Variants in MYO1H observed in about 807,000 individuals in gnomAD.
MYO1H encodes the protein myosin IH, also known as unconventional myosin-Ih.
In MYO1H, 118 loss-of-function variants were observed where a neutral mutation model predicts 149.3. The observed-to-expected ratio is 0.79, with a 90% CI of 0.68 to 0.92. MYO1H has a LOEUF of 0.92. MYO1H is among the 40% of genes least tolerant of loss of function. MYO1H has a pLI of 0.00. For missense variants in MYO1H, 1,212 were observed against 1,280.7 expected, an observed-to-expected ratio of 0.95 and a Z score of 0.82; for synonymous variants, 447 against 465.2, an observed-to-expected ratio of 0.96 and a Z score of 0.50.
the MYO1H span, among the ~76,000 whole-genome samples, chr12:109,310,983 A>C: frequency 2.0e-5 from 3 of 152,212 alleles, no homozygotes; most frequent in African/African-American, 7.2e-5. Context: ...ATGACATATA[A>C]TTAATTCACC....
At chr12:109,390,197 C>T (rs771311993) in intron 2 of MYO1H, among the ~76,000 whole-genome samples, 3 of 150,584 alleles carry the variant, frequency 2.0e-5, no homozygotes, top group Admixed American at 6.6e-5. Flanking sequence ...ACGATTTTAG[C>T]GTAATCTTTT....
rs1047992300 is a variant in MYO1H at position 109,407,074 on chromosome 12, C to T, written c.1035+214C>T. Among the ~76,000 whole-genome samples the T allele has an allele frequency of 4.6e-5, 7 of 152,158 alleles. 1 individual carries two copies. Among genetic ancestry groups the T allele is most frequent in the African/African-American group, 1.7e-4 (7 of 41,442 alleles). Reference sequence around the variant, plus strand: ...GCTAGCAATCCACACCTCATACTGTCTATGTCTTCCCTCCACAGGAGTCTT... The same window carrying T: ...GCTAGCAATCCACACCTCATACTGTTTATGTCTTCCCTCCACAGGAGTCTT... On this transcript the variant is annotated intron_variant, in intron 9 of 31. Transcript: ENST00000310903.
intron 7 of MYO1H, among the ~76,000 whole-genome samples, chr12:109,405,452 A>C (rs1269208165): frequency 6.6e-6 from 1 of 152,122 alleles, no homozygotes; most frequent in Non-Finnish European, 1.5e-5. Context: ...CTGGGACTAC[A>C]GGCACATGCC....
At chr12:109,417,955 A>G (rs997700113) in intron 15 of MYO1H, among the ~76,000 whole-genome samples, 4 of 151,592 alleles carry the variant, frequency 2.6e-5, no homozygotes, top group Non-Finnish European at 4.4e-5. Context: ...AGCTGGGACT[A>G]CAGGCGCCCG....
At chr12:109,358,235 A>G (rs967146523) in intron 1 of MYO1H, among the ~76,000 whole-genome samples, 1 of 152,036 alleles carries the variant, frequency 6.6e-6, no homozygotes, top group African/African-American at 2.4e-5. Context: ...GAAAAATAAC[A>G]CAGTGACACA....
intron 1 of MYO1H, among the ~76,000 whole-genome samples, chr12:109,386,304 C>G (rs1227696454): frequency 2.6e-5 from 4 of 152,200 alleles, no homozygotes; most frequent in Non-Finnish European, 4.4e-5. Context: ...TAAAGTTGAG[C>G]ATGAGTTGAA....
chr12:109,329,870 A>G, the MYO1H span, among the ~76,000 whole-genome samples: 13 of 152,292 alleles, frequency 8.5e-5, no homozygotes, highest in Middle Eastern at 3.4e-3. Flanking sequence ...CTAGAATTCC[A>G]CGTTGTGATC....
the MYO1H span, among the ~76,000 whole-genome samples, chr12:109,315,909 G>A: frequency 6.6e-6 from 1 of 152,180 alleles, no homozygotes; most frequent in Non-Finnish European, 1.5e-5. Context: ...TCTGCCCAAC[G>A]AGGTGCTAAG....
At chr12:109,424,785 G>C in exon 17 of MYO1H, 2 of 1,613,966 alleles carry the variant, frequency 1.2e-6, no homozygotes, top group Non-Finnish European at 1.7e-6. Context: ...CTGAGGGAAT[G>C]CTTCCTGCTG....
chr12:109,398,257 C>T (rs980106034), intron 5 of MYO1H, among the ~76,000 whole-genome samples: 6 of 152,106 alleles, frequency 3.9e-5, no homozygotes, highest in South Asian at 2.1e-4. Context: ...AGCAAGTAAA[C>T]GGACTGAACA....
chr12:109,320,350 C>G, the MYO1H span, among the ~76,000 whole-genome samples: 3 of 149,568 alleles, frequency 2.0e-5, no homozygotes, highest in African/African-American at 7.4e-5. Flanking sequence ...TGGCTCACAC[C>G]TGTAATCCCA....
the MYO1H span, among the ~76,000 whole-genome samples, chr12:109,312,877 A>G: frequency 6.6e-6 from 1 of 150,564 alleles, no homozygotes; most frequent in South Asian, 2.1e-4. Context: ...AGTACCCTGG[A>G]GATTTATAGG....
At chr12:109,346,378 TAAAAAAC>T (rs977874154), upstream of MYO1H, among the ~76,000 whole-genome samples, 5 of 152,218 alleles carry the variant, frequency 3.3e-5, no homozygotes, top group African/African-American at 1.2e-4. Context: ...CAACTGTACT[TAAAAAAC>T]AATGAACTGT....
chr12:109,364,228 C>A lies in MYO1H; in HGVS notation c.12+16256C>A, dbSNP rs182247999. On this transcript the variant is annotated intron_variant, in intron 1 of 31. Coordinates refer to ENST00000310903, the Ensembl canonical transcript of MYO1H. The stretch of plus-strand genomic sequence containing the variant: ...TGGGAACAGCATGGGCAATCCAGTA[C>A]CTGTACCTCCTGCCTCATGTAACTG... Among the ~76,000 whole-genome samples, 273 of 149,842 alleles carry A rather than the reference C, an allele frequency of 1.8e-3. 1 individual carries two copies. The highest frequency in any genetic ancestry group is 3.2e-3 in the Non-Finnish European group (213 of 67,544).
chr12:109,431,963 G>A (rs575810163), intron 19 of MYO1H, among the ~76,000 whole-genome samples: 3 of 144,666 alleles, frequency 2.1e-5, no homozygotes, highest in Admixed American at 1.4e-4. Flanking sequence ...GACTACAGCC[G>A]CACACTGCCA....
At chr12:109,335,223 T>C in the MYO1H span, among the ~76,000 whole-genome samples, 1 of 152,188 alleles carries the variant, frequency 6.6e-6, no homozygotes, top group African/African-American at 2.4e-5. Flanking sequence ...GCTGTGAATA[T>C]TGATGTTTCT....
chr12:109,392,911 G>C (rs948789033), intron 2 of MYO1H, among the ~76,000 whole-genome samples: 1 of 151,722 alleles, frequency 6.6e-6, no homozygotes, highest in African/African-American at 2.4e-5. Flanking sequence ...CTGGGTTCAA[G>C]AGATTCTCCT....
intron 22 of MYO1H, among the ~76,000 whole-genome samples, chr12:109,437,220 G>A (rs540829668): frequency 4.1e-4 from 62 of 152,090 alleles, no homozygotes; most frequent in Non-Finnish European, 8.2e-4. Context: ...CCACCCACAC[G>A]CATACATTTC....
the MYO1H span, among the ~76,000 whole-genome samples, chr12:109,313,362 C>T: frequency 3.3e-5 from 5 of 152,150 alleles, no homozygotes; most frequent in East Asian, 1.9e-4. Flanking sequence ...TGTACAGTTC[C>T]GTGGCACTGT....
Sources: gnomAD v4.1 joint callset for allele counts (sites outside exome capture counted in the v4.1 genomes callset) on GRCh38, gnomAD v4.1.1 for gene constraint, MANE v1.5 for transcripts, NCBI Gene and HGNC (gene_info 2026-07-23, HGNC 2026-07-21) for gene names.